The following AP3B1 variants were observed in gnomAD, a reference collection of about 807,000 sequenced individuals.
The protein encoded by AP3B1 is AP-3 complex subunit beta-1.
In AP3B1, 61 loss-of-function variants were observed where a neutral mutation model predicts 132.5. That is an observed-to-expected ratio of 0.46 (90% CI 0.37 to 0.57). The LOEUF is 0.57. AP3B1 is among the 20% of genes least tolerant of loss of function. The pLI is 0.00. For synonymous variants in AP3B1, 388 were observed against 438.3 expected, an observed-to-expected ratio of 0.89 and a Z score of 1.43; for missense variants, 1,120 against 1,289.4, an observed-to-expected ratio of 0.87 and a Z score of 2.01.
intron 1 of AP3B1, among the ~76,000 whole-genome samples, chr5:78,269,343 A>G (rs1258879470): frequency 6.6e-6 from 1 of 152,178 alleles, no homozygotes; most frequent in Non-Finnish European, 1.5e-5. Context: ...GTTAAATGGT[A>G]TAACTTTTCC....
At chr5:78,108,978 T>C (rs1214294416) in intron 20 of AP3B1, among the ~76,000 whole-genome samples, 3 of 152,190 alleles carry the variant, frequency 2.0e-5, no homozygotes, top group Admixed American at 1.3e-4. Flanking sequence ...CTTCTTACTC[T>C]GGGTTGTATT....
chr5:78,147,778 T>C (rs1328548855), intron 14 of AP3B1, among the ~76,000 whole-genome samples: 1 of 152,244 alleles, frequency 6.6e-6, no homozygotes, highest in East Asian at 1.9e-4. Flanking sequence ...GGCTCACGCC[T>C]GTAATCCCAG....
chr5:78,167,172 A>G (rs904772951), intron 11 of AP3B1, among the ~76,000 whole-genome samples: 1 of 152,216 alleles, frequency 6.6e-6, no homozygotes, highest in Admixed American at 6.5e-5. Context: ...CCCACCAAAA[A>G]GTGGGCAAAG....
chr5:78,085,435 G>T (rs1267878674), intron 22 of AP3B1, among the ~76,000 whole-genome samples: 1 of 152,016 alleles, frequency 6.6e-6, no homozygotes, highest in Non-Finnish European at 1.5e-5. Context: ...TATCTTAAGT[G>T]CAAAGCTCAA....
intron 7 of AP3B1, among the ~76,000 whole-genome samples, chr5:78,203,066 C>A (rs1424504091): frequency 6.6e-6 from 1 of 152,162 alleles, no homozygotes; most frequent in Admixed American, 6.5e-5. Context: ...TACCTTCTGG[C>A]CCCATGGTTT....
At chr5:78,207,049 G>A (rs948477501) in intron 7 of AP3B1, among the ~76,000 whole-genome samples, 2 of 152,098 alleles carry the variant, frequency 1.3e-5, no homozygotes, top group Non-Finnish European at 2.9e-5. Context: ...CATGAAGTCA[G>A]GAGTTCGAAA....
At chr5:78,278,632 G>C (rs867040977) in intron 1 of AP3B1, among the ~76,000 whole-genome samples, 1 of 86,954 alleles carries the variant, frequency 1.2e-5, no homozygotes, top group Non-Finnish European at 3.0e-5. Flanking sequence ...AAAAGGGGGG[G>C]GGGGACTAAT....
At chr5:78,195,893 G>C (rs1745061661) in intron 7 of AP3B1, among the ~76,000 whole-genome samples, 1 of 151,824 alleles carries the variant, frequency 6.6e-6, no homozygotes. Flanking sequence ...ACTCAAAATG[G>C]GTCACAGACC....
intron 22 of AP3B1, chr5:78,088,835 T>C (rs2112200465): frequency 6.5e-6 from 1 of 153,590 alleles, no homozygotes; most frequent in Non-Finnish European, 1.5e-5. Flanking sequence ...CCATGATATG[T>C]TGACGGTTTT....
chr5:78,275,160 A>G (rs1748722446), intron 1 of AP3B1, among the ~76,000 whole-genome samples: 1 of 152,210 alleles, frequency 6.6e-6, no homozygotes, highest in African/African-American at 2.4e-5. Context: ...CTTAAAAGGA[A>G]TAACATTTCA....
At position 78,294,616 on chromosome 5, in the gene AP3B1, G is replaced by A. The variant is rs770686246; in HGVS notation, c.-37C>T. On this transcript the variant is annotated 5_prime_UTR_variant, in exon 1 of 27. Coordinates refer to ENST00000255194, the MANE Select transcript of AP3B1 (RefSeq NM_003664.5). ...TGGCGGGTGCGGGGTTGGTCCTGCC[G>A]GGGGTTCTCTCCAAAAGGTTCCAGT... 2 of 1,612,866 alleles carry A rather than the reference G, an allele frequency of 1.2e-6. No individual in the cohort carries two copies. The highest frequency in any genetic ancestry group is 1.7e-6 in the Non-Finnish European group (2 of 1,179,932).
chr5:78,099,559 T>A (rs1004625029), intron 21 of AP3B1, among the ~76,000 whole-genome samples: 1 of 152,168 alleles, frequency 6.6e-6, no homozygotes, highest in Admixed American at 6.5e-5. Flanking sequence ...AAATAAGATC[T>A]GATTTTATCA....
chr5:78,005,750 G>GA (rs1329175034), intron 26 of AP3B1, among the ~76,000 whole-genome samples: 2 of 152,130 alleles, frequency 1.3e-5, no homozygotes, highest in Non-Finnish European at 2.9e-5. Context: ...TATTTAATTG[G>GA]AACACAGCAT....
intron 13 of AP3B1, among the ~76,000 whole-genome samples, chr5:78,157,996 G>A (rs934459497): frequency 1.3e-5 from 2 of 152,052 alleles, no homozygotes; most frequent in Non-Finnish European, 2.9e-5. Flanking sequence ...TGATCCACCC[G>A]CCTTGGCCTC....
chr5:78,118,487 T>C (rs995690590), intron 17 of AP3B1, among the ~76,000 whole-genome samples: 1 of 152,176 alleles, frequency 6.6e-6, no homozygotes, highest in African/African-American at 2.4e-5. Flanking sequence ...ATACTGCGCT[T>C]TTCCAACGGG....
At chr5:78,115,857 G>A (rs1408696863) in intron 18 of AP3B1, among the ~76,000 whole-genome samples, 3 of 152,138 alleles carry the variant, frequency 2.0e-5, no homozygotes, top group African/African-American at 7.2e-5. Context: ...AGGCATTGTG[G>A]TTTAGAATTC....
chr5:78,288,580 A>C (rs1749380422), intron 1 of AP3B1, among the ~76,000 whole-genome samples: 1 of 152,210 alleles, frequency 6.6e-6, no homozygotes, highest in African/African-American at 2.4e-5. Context: ...ATACCAGATG[A>C]GGGTTTCCTT....
At chr5:78,084,101 G>C (rs567728471) in intron 22 of AP3B1, among the ~76,000 whole-genome samples, 1 of 152,086 alleles carries the variant, frequency 6.6e-6, no homozygotes, top group South Asian at 2.1e-4. Context: ...TAGAATATCA[G>C]AGTTAAAAGG....
At chr5:78,265,891 C>T (rs1251282078) in intron 2 of AP3B1, among the ~76,000 whole-genome samples, 1 of 152,176 alleles carries the variant, frequency 6.6e-6, no homozygotes, top group Admixed American at 6.5e-5. Context: ...CATTTCTTTG[C>T]TGTATTTTCA....
Sources: allele counts gnomAD v4.1 joint callset (sites outside exome capture counted in the v4.1 genomes callset), GRCh38; gene constraint gnomAD v4.1.1; transcripts MANE v1.5; gene names NCBI Gene and HGNC (gene_info 2026-07-23, HGNC 2026-07-21).